Variants in DAB1 observed in about 807,000 individuals in gnomAD.
DAB1 encodes DAB adaptor protein 1.
A neutral mutation model predicts 64.6 loss-of-function variants in DAB1; 15 were observed. The observed-to-expected ratio is 0.23, with a 90% confidence interval of 0.16 to 0.36. The LOEUF is 0.36. DAB1 is among the 10% of genes least tolerant of loss of function. The pLI, the probability that DAB1 is intolerant of heterozygous loss-of-function variation, is 1.00. For synonymous variants in DAB1, 235 were observed against 251.9 expected (o/e 0.93, Z 0.64); for missense variants, 596 against 706.7 (o/e 0.84, Z 1.78).
At position 57,434,848 on chromosome 1, in the gene DAB1, C is replaced by T. The variant is rs190723753; in HGVS notation, n.626-143682G>A. On this transcript the variant is annotated intron_variant and non_coding_transcript_variant, in intron 7 of 20. Transcript: ENST00000485760. ...AATACAATATAAAAGATAAAATATGCTCTACCTATATAGAGCACTTACTAT... is the reference window on the plus strand; with the variant it reads ...AATACAATATAAAAGATAAAATATGTTCTACCTATATAGAGCACTTACTAT... Among the ~76,000 whole-genome samples the T allele has an allele frequency of 1.4e-4, 22 of 152,174 alleles. 1 individual carries two copies. The East Asian group carries it at 4.1e-3, about 28-fold the overall frequency.
intron 4 of DAB1, among the ~76,000 whole-genome samples, chr1:58,163,143 GA>G: frequency 6.6e-6 from 1 of 152,194 alleles, no homozygotes; most frequent in South Asian, 2.1e-4. Flanking sequence ...TCCAGTCATG[GA>G]GTCTCCCTCT....
intron 6 of DAB1, among the ~76,000 whole-genome samples, chr1:57,750,191 A>G (rs936012700): frequency 1.3e-5 from 2 of 152,194 alleles, no homozygotes; most frequent in Non-Finnish European, 2.9e-5. Context: ...ACACATATTT[A>G]GTATTGATCA....
At chr1:57,275,129 A>C (rs1348851797) in intron 2 of DAB1, among the ~76,000 whole-genome samples, 1 of 152,056 alleles carries the variant, frequency 6.6e-6, no homozygotes, top group Non-Finnish European at 1.5e-5. Flanking sequence ...GAAGATAAAG[A>C]GAAAAGGATA....
rs533118380 is a variant in DAB1, at chr1:57,962,192, G to A, written n.388-78030C>T. Among the ~76,000 whole-genome samples, 5 of 152,206 alleles carry A rather than the reference G, an allele frequency of 3.3e-5. No individual in the cohort carries two copies. In the South Asian group the frequency reaches 1.0e-3, roughly 32 times the overall value. ...TAGGTCTCGACTTGCTCATCTTTAA[G>A]TGGGATCTTTATAGTGCCTACCTTA... On this transcript the variant is annotated intron_variant and non_coding_transcript_variant, in intron 5 of 20. Coordinates refer to the DAB1 transcript ENST00000485760.
At chr1:58,360,201 G>A (rs1644151942) in intron 3 of DAB1, among the ~76,000 whole-genome samples, 1 of 152,170 alleles carries the variant, frequency 6.6e-6, no homozygotes, top group African/African-American at 2.4e-5. Context: ...TAGGAGCACA[G>A]AGGAAGGTGT....
chr1:57,274,605 G>C (rs1325791226), intron 2 of DAB1, among the ~76,000 whole-genome samples: 1 of 152,148 alleles, frequency 6.6e-6, no homozygotes, highest in African/African-American at 2.4e-5. Flanking sequence ...TTTTGAGATG[G>C]AGTCTTGCTC....
intron 4 of DAB1, among the ~76,000 whole-genome samples, chr1:58,195,198 G>C (rs1657608296): frequency 6.6e-6 from 1 of 152,118 alleles, no homozygotes; most frequent in Admixed American, 6.5e-5. Context: ...TCACCGCCTA[G>C]CATATGGCAG....
rs139133144 is a variant in DAB1, at chr1:57,848,972, G to A, written n.88-22517C>T. The stretch of plus-strand genomic sequence containing the variant: ...ATCAAGATTGAAGGTCATGTCTTAC[G>A]ATATTTGTGGAAAGGTAAATATTAT... On this transcript the variant is annotated intron_variant and non_coding_transcript_variant, in intron 1 of 1. Transcript: ENST00000477280. Among the ~76,000 whole-genome samples, 119 of 152,314 alleles carry A rather than the reference G, an allele frequency of 7.8e-4. 1 individual carries two copies. Among genetic ancestry groups the A allele is most frequent in the African/African-American group, 2.6e-3 (107 of 41,566 alleles).
At chr1:57,451,479 G>A (rs17115797) in intron 7 of DAB1, among the ~76,000 whole-genome samples, 11,883 of 152,178 alleles carry the variant, frequency 0.078, 570 homozygotes, top group South Asian at 0.19. Context: ...AATATGTTTT[G>A]TGATGTGTAG....
chr1:57,292,485 T>C (rs1040466989), intron 1 of DAB1, among the ~76,000 whole-genome samples: 7 of 151,968 alleles, frequency 4.6e-5, no homozygotes. Flanking sequence ...ACACAGAAAA[T>C]GAGAATTTAT....
At chr1:57,495,128 G>A (rs971197202) in intron 7 of DAB1, among the ~76,000 whole-genome samples, 1 of 152,148 alleles carries the variant, frequency 6.6e-6, no homozygotes, top group Non-Finnish European at 1.5e-5. Context: ...ATCACATAAA[G>A]TGCCCCCAAA....
chr1:57,644,879 G>A (rs74077743), intron 7 of DAB1, among the ~76,000 whole-genome samples: 1 of 152,110 alleles, frequency 6.6e-6, no homozygotes, highest in African/African-American at 2.4e-5. Context: ...GGAAGCATGA[G>A]CTGAAATCCC....
chr1:58,396,792 G>C (rs1205945951), intron 3 of DAB1, among the ~76,000 whole-genome samples: 3 of 152,204 alleles, frequency 2.0e-5, no homozygotes, highest in Admixed American at 2.0e-4. Context: ...TCCGGGCGCG[G>C]TGGCTCACGC....
intron 3 of DAB1, among the ~76,000 whole-genome samples, chr1:58,375,208 C>A (rs1268105542): frequency 3.4e-5 from 5 of 147,902 alleles, no homozygotes; most frequent in African/African-American, 1.3e-4. Flanking sequence ...CCAGAACTTC[C>A]AACACTATGT....
rs571169725 is a variant in DAB1, at chr1:57,518,329, G to A, written n.625+131263C>T. 5.3e-5 allele frequency among the ~76,000 whole-genome samples: 8 copies of A among 152,080 alleles called. 1 individual carries two copies. The highest frequency in any genetic ancestry group is 1.9e-4 in the East Asian group (1 of 5,174). ...ACTCTGTCCTTGCTGGCTTTTGCAC[G>A]CCACTCCCTTCTGAATAGTTTGTGA... On this transcript the variant is annotated intron_variant and non_coding_transcript_variant, in intron 7 of 20. Coordinates refer to the DAB1 transcript ENST00000485760.
chr1:57,219,569 G>T (rs1045028865), intron 2 of DAB1, among the ~76,000 whole-genome samples: 1 of 152,162 alleles, frequency 6.6e-6, no homozygotes, highest in African/African-American at 2.4e-5. Flanking sequence ...CAAAAATGGT[G>T]GATGGTCACC....
At chr1:58,142,489 G>T (rs919426658) in intron 5 of DAB1, among the ~76,000 whole-genome samples, 3 of 152,202 alleles carry the variant, frequency 2.0e-5, no homozygotes, top group Non-Finnish European at 1.5e-5. Context: ...ATCTAGGGGA[G>T]ATGGGCACTG....
intron 5 of DAB1, among the ~76,000 whole-genome samples, chr1:58,131,318 T>C (rs2100695526): frequency 7.1e-6 from 1 of 140,644 alleles, no homozygotes; most frequent in African/African-American, 2.5e-5. Context: ...TCAGCTCCTT[T>C]AAGCACTTCT....
intron 5 of DAB1, among the ~76,000 whole-genome samples, chr1:57,943,394 T>C (rs1387154050): frequency 6.6e-6 from 1 of 152,206 alleles, no homozygotes; most frequent in African/African-American, 2.4e-5. Context: ...TCATGTGTGT[T>C]ACATGGCAAA....
Sources: gnomAD v4.1 joint callset for allele counts (sites outside exome capture counted in the v4.1 genomes callset) on GRCh38, gnomAD v4.1.1 for gene constraint, MANE v1.5 for transcripts, NCBI Gene and HGNC (gene_info 2026-07-23, HGNC 2026-07-21) for gene names.